Variants in CFAP276 observed in about 807,000 individuals in gnomAD.
CFAP276 encodes cilia- and flagella-associated protein 276.
chr1:109,109,543 T>C, the CFAP276 span, among the ~76,000 whole-genome samples: 1 of 142,356 alleles, frequency 7.0e-6, no homozygotes, highest in Non-Finnish European at 1.6e-5. Context: ...CTTTTTTTTT[T>C]TTTTTTTTTT....
At chr1:109,113,467 A>AGAGAGAGAGG in the CFAP276 span, among the ~76,000 whole-genome samples, 93 of 126,370 alleles carry the variant, frequency 7.4e-4, 8 homozygotes, top group South Asian at 1.6e-3. Context: ...AGAGAGAGAG[A>AGAGAGAGAGG]GGCCCACGTG....
At chr1:109,106,440 C>T in the CFAP276 span, 1 of 1,453,308 alleles carries the variant, frequency 6.9e-7, no homozygotes, top group Non-Finnish European at 9.3e-7. Context: ...CTTCATCTTC[C>T]CTACTGTCCA....
the CFAP276 span, among the ~76,000 whole-genome samples, chr1:109,113,448 G>C: frequency 7.0e-6 from 1 of 143,858 alleles, no homozygotes; most frequent in Non-Finnish European, 1.5e-5. Flanking sequence ...GAGAGAGAGA[G>C]AGAGAGAGAG....
chr1:109,113,341 C>T, the CFAP276 span, among the ~76,000 whole-genome samples: 2 of 148,902 alleles, frequency 1.3e-5, no homozygotes, highest in East Asian at 4.0e-4. Context: ...TGCAGTTAGC[C>T]GAGATCGCGC....
the CFAP276 span, chr1:109,112,891 C>A: frequency 1.5e-6 from 1 of 683,854 alleles, no homozygotes; most frequent in Non-Finnish European, 2.2e-6. Flanking sequence ...GCTCCGGGGA[C>A]TGCAGAGGGA....
At chr1:109,106,488 A>G in the CFAP276 span, 5 of 1,596,002 alleles carry the variant, frequency 3.1e-6, no homozygotes, top group Non-Finnish European at 4.3e-6. Flanking sequence ...CCATTTAGAA[A>G]GACTCCCCCA....
chr1:109,107,726 A>AAAAAAAC, the CFAP276 span, among the ~76,000 whole-genome samples: 14 of 91,132 alleles, frequency 1.5e-4, no homozygotes, highest in East Asian at 8.3e-3. Flanking sequence ...TCATCTCTTC[A>AAAAAAAC]AAAAAAAAAA....
the CFAP276 span, chr1:109,112,600 T>C: frequency 5.2e-6 from 8 of 1,550,518 alleles, no homozygotes; most frequent in Non-Finnish European, 7.0e-6. Context: ...CCACAGTACC[T>C]TGGAAGCCCG....
chr1:109,107,828 T>TGA, the CFAP276 span: 3 of 1,025,120 alleles, frequency 2.9e-6, no homozygotes, highest in Non-Finnish European at 4.3e-6. Context: ...CGGTAAACCA[T>TGA]GATCAGGCCA....
chr1:109,110,851 T>C, the CFAP276 span, among the ~76,000 whole-genome samples: 4 of 152,160 alleles, frequency 2.6e-5, no homozygotes, highest in Admixed American at 2.6e-4. Context: ...TCCCCAAACC[T>C]GCTTCCCCAG....
chr1:109,106,735 T>C, the CFAP276 span: 1 of 1,500,702 alleles, frequency 6.7e-7, no homozygotes, highest in South Asian at 1.2e-5. Flanking sequence ...GGTAGTTGAA[T>C]GTGATCTCAA....
At chr1:109,106,801 TTA>T in the CFAP276 span, 6 of 1,069,536 alleles carry the variant, frequency 5.6e-6, no homozygotes, top group South Asian at 9.8e-5. Context: ...AAGATTTTGT[TTA>T]TACAGATGAG....
At chr1:109,106,254 G>A in the CFAP276 span, among the ~76,000 whole-genome samples, 3 of 152,272 alleles carry the variant, frequency 2.0e-5, no homozygotes, top group East Asian at 5.8e-4. Flanking sequence ...GGTACTTATA[G>A]GTCTTCCACC....
the CFAP276 span, among the ~76,000 whole-genome samples, chr1:109,111,423 T>G: frequency 6.6e-6 from 1 of 151,198 alleles, no homozygotes; most frequent in Non-Finnish European, 1.5e-5. Flanking sequence ...TAAGCCAAGA[T>G]TGCACCAGTG....
chr1:109,113,418 G>A, the CFAP276 span, among the ~76,000 whole-genome samples: 4 of 37,428 alleles, frequency 1.1e-4, no homozygotes, highest in South Asian at 1.5e-3. Flanking sequence ...GAGAGAGAAA[G>A]AGAGAGAGAG....
the CFAP276 span, among the ~76,000 whole-genome samples, chr1:109,110,730 T>C: frequency 1.3e-5 from 2 of 152,180 alleles, no homozygotes; most frequent in Non-Finnish European, 2.9e-5. Flanking sequence ...AGCTCAGTCA[T>C]ACATCTTCAA....
At chr1:109,109,533 C>CTTTT in the CFAP276 span, among the ~76,000 whole-genome samples, 9 of 114,966 alleles carry the variant, frequency 7.8e-5, no homozygotes, top group Non-Finnish European at 1.2e-4. Context: ...TGAGCCATAC[C>CTTTT]TTTTTTTTTT....
chr1:109,107,143 C>A, the CFAP276 span: 2 of 1,593,774 alleles, frequency 1.3e-6, no homozygotes, highest in Non-Finnish European at 1.7e-6. Context: ...CAGTCCCCCC[C>A]AAGGTTAGCT....
At chr1:109,108,232 T>A in the CFAP276 span, among the ~76,000 whole-genome samples, 2 of 152,156 alleles carry the variant, frequency 1.3e-5, no homozygotes, top group Admixed American at 6.5e-5. Context: ...AACCTCTGTC[T>A]CTTGGGTTTA....
Sources: allele counts gnomAD v4.1 joint callset (sites outside exome capture counted in the v4.1 genomes callset), GRCh38; gene constraint gnomAD v4.1.1; transcripts MANE v1.5; gene names NCBI Gene and HGNC (gene_info 2026-07-23, HGNC 2026-07-21).